Variants in RNF150 observed in about 807,000 individuals in gnomAD.
The protein encoded by RNF150 is ring finger protein 150.
A neutral mutation model predicts 39.3 loss-of-function variants in RNF150; 24 were observed. The ratio of observed to expected loss-of-function variants is 0.61; its 90% CI spans 0.44 to 0.86. RNF150 has a LOEUF of 0.86. Ranked by LOEUF, RNF150 falls within the 40% of genes least tolerant of loss-of-function variation. RNF150 has a pLI of 0.00. For missense variants in RNF150, 502 were observed against 587.8 expected (o/e 0.85, Z 1.51); for synonymous variants, 255 against 227.3 (o/e 1.12, Z -1.10).
intron 6 of RNF150, among the ~76,000 whole-genome samples, chr4:140,871,402 A>C (rs1383745858): frequency 6.6e-6 from 1 of 152,204 alleles, no homozygotes; most frequent in Non-Finnish European, 1.5e-5. Flanking sequence ...ATTTAGTACA[A>C]GTATACACGA....
intron 1 of RNF150, among the ~76,000 whole-genome samples, chr4:141,034,480 T>C (rs1457791405): frequency 6.6e-6 from 1 of 152,188 alleles, no homozygotes; most frequent in African/African-American, 2.4e-5. Flanking sequence ...AGTAGCCCTT[T>C]TAATTTCTCT....
intron 1 of RNF150, among the ~76,000 whole-genome samples, chr4:141,082,631 C>A (rs891165937): frequency 6.6e-6 from 1 of 151,860 alleles, no homozygotes; most frequent in African/African-American, 2.4e-5. Flanking sequence ...CTCTGTCGCC[C>A]AGGCTGGAGT....
chr4:141,156,403 C>G (rs1157748059), intron 1 of RNF150, among the ~76,000 whole-genome samples: 1 of 152,058 alleles, frequency 6.6e-6, no homozygotes, highest in Non-Finnish European at 1.5e-5. Flanking sequence ...GCCTCATCCT[C>G]CTGAGTAGGA....
chr4:140,976,946 T>C (rs1022740417), intron 1 of RNF150, among the ~76,000 whole-genome samples: 13 of 152,020 alleles, frequency 8.6e-5, no homozygotes, highest in Non-Finnish European at 1.0e-4. Context: ...TCACTCCCCC[T>C]TTGTCCAAAT....
chr4:141,117,378 C>T (rs549226594), intron 1 of RNF150, among the ~76,000 whole-genome samples: 43 of 152,228 alleles, frequency 2.8e-4, no homozygotes, highest in African/African-American at 1.0e-3. Context: ...TATAATTCTT[C>T]TATGTTTAGA....
At chr4:141,177,454 A>C (rs1727832679) in intron 1 of RNF150, among the ~76,000 whole-genome samples, 1 of 139,138 alleles carries the variant, frequency 7.2e-6, no homozygotes, top group Non-Finnish European at 1.5e-5. Context: ...GATATTTGAA[A>C]ATACAGGGCA....
At chr4:140,871,849 C>A (rs1048533022) in intron 6 of RNF150, among the ~76,000 whole-genome samples, 1 of 152,146 alleles carries the variant, frequency 6.6e-6, no homozygotes, top group African/African-American at 2.4e-5. Context: ...ACTGATGTAA[C>A]TATGAGCTGC....
intron 6 of RNF150, among the ~76,000 whole-genome samples, chr4:140,870,941 A>T (rs1011788251): frequency 6.7e-6 from 1 of 149,594 alleles, no homozygotes; most frequent in Non-Finnish European, 1.5e-5. Flanking sequence ...CACTCTTTTT[A>T]CTCAGTGCTC....
intron 6 of RNF150, among the ~76,000 whole-genome samples, chr4:140,891,352 C>T (rs115384117): frequency 0.015 from 2,358 of 152,276 alleles, 70 homozygotes; most frequent in African/African-American, 0.051. Context: ...AGGACTTGAA[C>T]CTAGCTCTTC....
In RNF150 at chr4:141,141,985, G is replaced by C. The variant is rs182717234; in HGVS notation, c.-6+70809C>G. Among the ~76,000 whole-genome samples, 291 of 152,144 alleles carry C rather than the reference G, an allele frequency of 1.9e-3. 3 individuals carry two copies. Among genetic ancestry groups the C allele is most frequent in the African/African-American group, 6.0e-3 (247 of 41,496 alleles). ...ATATTAGCCAAGATGGCACCACTGAGCTGATCAGTTTTATTTTAAATTTAT... is the reference window on the plus strand; with the variant it reads ...ATATTAGCCAAGATGGCACCACTGACCTGATCAGTTTTATTTTAAATTTAT... On this transcript the variant is annotated intron_variant, in intron 1 of 7. Transcript: ENST00000420921.
intron 1 of RNF150, among the ~76,000 whole-genome samples, chr4:141,125,071 A>C (rs1484462616): frequency 1.3e-5 from 2 of 152,230 alleles, no homozygotes; most frequent in Non-Finnish European, 2.9e-5. Flanking sequence ...AGCAATTTAT[A>C]ACCACAAATG....
At chr4:140,960,676 T>C (rs936734235) in intron 2 of RNF150, among the ~76,000 whole-genome samples, 9 of 152,114 alleles carry the variant, frequency 5.9e-5, no homozygotes, top group Non-Finnish European at 1.0e-4. Flanking sequence ...CCCCAAAGGA[T>C]AGGGTCCAGA....
At chr4:140,939,111 T>TA (rs1344430285) in intron 4 of RNF150, among the ~76,000 whole-genome samples, 1 of 152,248 alleles carries the variant, frequency 6.6e-6, no homozygotes, top group South Asian at 2.1e-4. Context: ...CTGACTCAGA[T>TA]ACTCAAATGT....
chr4:140,886,296 A>G (rs6826361), intron 6 of RNF150, among the ~76,000 whole-genome samples: 149,638 of 152,172 alleles, frequency 0.98, 73,624 homozygotes, highest in East Asian at 1. Flanking sequence ...ACATTTTTCC[A>G]GAATAGAGGA....
intron 6 of RNF150, among the ~76,000 whole-genome samples, chr4:140,881,342 T>C (rs557187536): frequency 2.0e-5 from 3 of 152,238 alleles, no homozygotes; most frequent in African/African-American, 7.2e-5. Flanking sequence ...TTTGTATTTT[T>C]TTGTAGAAAT....
intron 6 of RNF150, among the ~76,000 whole-genome samples, chr4:140,907,964 T>C (rs1233728813): frequency 6.6e-6 from 1 of 152,234 alleles, no homozygotes; most frequent in Non-Finnish European, 1.5e-5. Context: ...TGTTATTTCT[T>C]CCTTTTTTGG....
intron 1 of RNF150, among the ~76,000 whole-genome samples, chr4:141,111,850 C>T (rs1184270482): frequency 2.6e-5 from 4 of 152,004 alleles, no homozygotes; most frequent in Admixed American, 2.0e-4. Context: ...ATAAGAGTGT[C>T]GTGCTTTTAT....
chr4:140,922,824 CA>C (rs1276663138), intron 5 of RNF150, among the ~76,000 whole-genome samples: 1 of 151,148 alleles, frequency 6.6e-6, no homozygotes, highest in Non-Finnish European at 1.5e-5. Flanking sequence ...CGCATATCTA[CA>C]ACTATCTGAT....
intron 1 of RNF150, among the ~76,000 whole-genome samples, chr4:141,012,781 C>A (rs866726030): frequency 2.0e-3 from 140 of 71,368 alleles, no homozygotes; most frequent in African/African-American, 3.3e-3. Context: ...GACTCTGTCT[C>A]AAAAAAAAAA....
Sources: gnomAD v4.1 joint callset for allele counts (sites outside exome capture counted in the v4.1 genomes callset) on GRCh38, gnomAD v4.1.1 for gene constraint, MANE v1.5 for transcripts, NCBI Gene and HGNC (gene_info 2026-07-23, HGNC 2026-07-21) for gene names.